CCDC30: variants seen among roughly 807,000 people sequenced by gnomAD.
The protein encoded by CCDC30 is coiled-coil domain-containing protein 30.
In CCDC30, 70 loss-of-function variants were observed where a neutral mutation model predicts 100.2. The observed-to-expected ratio is 0.70, with a 90% CI of 0.58 to 0.85. CCDC30 has a LOEUF of 0.85. CCDC30 is among the 40% of genes least tolerant of loss of function. The pLI, the probability that CCDC30 is intolerant of heterozygous loss-of-function variation, is 0.00. For missense variants in CCDC30, 652 were observed against 771.2 expected (o/e 0.85, Z 1.83); for synonymous variants, 233 against 269.5 (o/e 0.86, Z 1.33).
intron 6 of CCDC30, 107 bp downstream of exon 10, chr1:42,556,512 T>G: frequency 8.0e-7 from 1 of 1,251,010 alleles, no homozygotes; most frequent in South Asian, 1.8e-5. Context: ...TTTTTTTATT[T>G]TTTTAGGTAC....
At chr1:42,583,756 A>G in intron 9 of CCDC30, among the ~76,000 whole-genome samples, 1 of 152,206 alleles carries the variant, frequency 6.6e-6, no homozygotes, top group Admixed American at 6.5e-5. Flanking sequence ...GGAACTGGTT[A>G]TGCAGTCTGT....
At chr1:42,536,719 A>ACCACAGAC in intron 6 of CCDC30, 118 bp downstream of exon 7, 1 of 698,804 alleles carries the variant, frequency 1.4e-6, no homozygotes, top group Non-Finnish European at 2.4e-6. Flanking sequence ...ATAACCAAAC[A>ACCACAGAC]CCACAGACTA....
intron 1 of CCDC30, among the ~76,000 whole-genome samples, chr1:42,478,741 G>A (rs193066265): frequency 1.3e-5 from 2 of 151,908 alleles, no homozygotes; most frequent in Non-Finnish European, 2.9e-5. Context: ...CCTGGGGAAC[G>A]GAGTGAGATC....
At chr1:42,597,379 G>A (rs1427784695) in intron 10 of CCDC30, among the ~76,000 whole-genome samples, 1 of 152,058 alleles carries the variant, frequency 6.6e-6, no homozygotes, top group Non-Finnish European at 1.5e-5. Flanking sequence ...ATTTTCAAAT[G>A]ACAGAAAATC....
At chr1:42,650,653 T>A (rs545901405) in intron 15 of CCDC30, among the ~76,000 whole-genome samples, 1 of 151,750 alleles carries the variant, frequency 6.6e-6, no homozygotes, top group South Asian at 2.1e-4. Context: ...TAAAATTGAT[T>A]TTTCTTTTTC....
chr1:42,546,833 G>A (rs1645154874), intron 6 of CCDC30, among the ~76,000 whole-genome samples: 1 of 151,848 alleles, frequency 6.6e-6, no homozygotes, highest in Admixed American at 6.6e-5. Flanking sequence ...TACTCTTCCT[G>A]GGCACATAAG....
At chr1:42,469,948 A>G (rs1303217750) in intron 1 of CCDC30, among the ~76,000 whole-genome samples, 1 of 152,220 alleles carries the variant, frequency 6.6e-6, no homozygotes, top group Non-Finnish European at 1.5e-5. Flanking sequence ...GGCTCAGACC[A>G]GAGGCCATGA....
chr1:42,537,432 C>T (rs917238845), intron 6 of CCDC30: 6 of 361,300 alleles, frequency 1.7e-5, no homozygotes, highest in Non-Finnish European at 3.2e-5. Context: ...ATCATTTACC[C>T]TCTTCCTGTG....
chr1:42,537,641 C>T (rs1644930372), intron 6 of CCDC30: 1 of 221,102 alleles, frequency 4.5e-6, no homozygotes, highest in Non-Finnish European at 9.1e-6. Context: ...TCAATCAGTG[C>T]ACATCCTGTG....
intron 1 of CCDC30, among the ~76,000 whole-genome samples, chr1:42,472,804 A>G (rs919676550): frequency 1.3e-5 from 2 of 152,198 alleles, no homozygotes; most frequent in African/African-American, 4.8e-5. Context: ...TAAAATATAC[A>G]TTGTAGAGAG....
rs1343824170 is a variant in CCDC30, at chr1:42,650,495, ATATG to A, written c.1855-2879_1855-2876del. Among the ~76,000 whole-genome samples, 141 of 98,962 alleles carry A rather than the reference ATATG, an allele frequency of 1.4e-3. 1 individual carries two copies. The highest frequency in any genetic ancestry group is 6.1e-3 in the African/African-American group (135 of 22,146). The allele number at this position is 98,962 out of a possible 152,430, so 64.9% of individuals were successfully genotyped here. On this transcript the variant is annotated intron_variant, in intron 15 of 16. Transcript: ENST00000668663. ...AACAAGACCCTGTCTAAAAAAATAT[ATATG>A]TGTGTGTGTGTGTGTGTGTGTGTGT...
intron 11 of CCDC30, among the ~76,000 whole-genome samples, chr1:42,621,638 A>G (rs1646835241): frequency 6.6e-6 from 1 of 152,030 alleles, no homozygotes; most frequent in African/African-American, 2.4e-5. Flanking sequence ...CAGCCTCCGG[A>G]GTAGCTAGGA....
chr1:42,472,117 G>A (rs964641243), intron 1 of CCDC30, among the ~76,000 whole-genome samples: 1 of 152,044 alleles, frequency 6.6e-6, no homozygotes, highest in African/African-American at 2.4e-5. Flanking sequence ...AGCCAGGTGT[G>A]GTGGCACACA....
chr1:42,477,563 G>A (rs557978154), intron 1 of CCDC30, among the ~76,000 whole-genome samples: 1 of 152,246 alleles, frequency 6.6e-6, no homozygotes, highest in East Asian at 1.9e-4. Context: ...GGAGAATGAT[G>A]TCATTATAAT....
rs541757565 is a variant in CCDC30 at position 42,551,142 on chromosome 1, T to C, written c.457-15154T>C. On this transcript the variant is annotated intron_variant, in intron 6 of 16. Coordinates refer to ENST00000668663, the Ensembl canonical transcript of CCDC30. Reference sequence around the variant, plus strand: ...AGCTTATGAGAAAGGAAAGACCACCTTGCAAATGAAGAGATTGAGACTCTG... The same window carrying C: ...AGCTTATGAGAAAGGAAAGACCACCCTGCAAATGAAGAGATTGAGACTCTG... Among the ~76,000 whole-genome samples the C allele has an allele frequency of 2.1e-4, 32 of 152,326 alleles. 2 individuals carry two copies. The highest frequency in any genetic ancestry group is 1.2e-3 in the Admixed American group (18 of 15,296).
chr1:42,536,561 G>A (rs376402623), intron 6 of CCDC30: 2 of 1,613,428 alleles, frequency 1.2e-6, no homozygotes, highest in African/African-American at 1.3e-5. Flanking sequence ...TTGGCATCTG[G>A]TCTTGACACT....
At chr1:42,483,305 T>C (rs923143161) in intron 3 of CCDC30, among the ~76,000 whole-genome samples, 4 of 152,220 alleles carry the variant, frequency 2.6e-5, no homozygotes, top group Non-Finnish European at 5.9e-5. Flanking sequence ...TGATGGACGA[T>C]TGTGTTGTCA....
intron 10 of CCDC30, among the ~76,000 whole-genome samples, chr1:42,598,039 C>A (rs1412702841): frequency 6.7e-6 from 1 of 149,842 alleles, no homozygotes; most frequent in Non-Finnish European, 1.5e-5. Flanking sequence ...TGGTGGAGCA[C>A]CACCTGCAGT....
chr1:42,523,394 A>G (rs34492283), intron 6 of CCDC30, among the ~76,000 whole-genome samples: 19,702 of 152,204 alleles, frequency 0.13, 1,479 homozygotes, highest in East Asian at 0.18. Flanking sequence ...TCCTGTTAGA[A>G]TTTAGAATAT....
Sources: allele counts gnomAD v4.1 joint callset (sites outside exome capture counted in the v4.1 genomes callset), GRCh38; gene constraint gnomAD v4.1.1; transcripts MANE v1.5; gene names NCBI Gene and HGNC (gene_info 2026-07-23, HGNC 2026-07-21).